The following TECPR1 variants were observed in gnomAD, a reference collection of about 807,000 sequenced individuals.
TECPR1 encodes tectonin beta-propeller repeat containing 1.
Under a neutral mutation model 162.4 loss-of-function variants are expected in TECPR1, and 122 were observed. The observed-to-expected ratio is 0.75, with a 90% confidence interval of 0.65 to 0.87. The LOEUF is 0.87. Among genes scored for constraint, TECPR1 ranks in the 40% least tolerant of loss-of-function variants. The pLI, the probability that TECPR1 is intolerant of heterozygous loss-of-function variation, is 0.00. For missense variants in TECPR1, 1,432 were observed against 1,618.2 expected (o/e 0.88, Z 1.97); for synonymous variants, 642 against 670.6 (o/e 0.96, Z 0.66).
chr7:98,236,512 T>C (rs1798603565), intron 10 of TECPR1, among the ~76,000 whole-genome samples: 1 of 151,478 alleles, frequency 6.6e-6, no homozygotes, highest in Admixed American at 6.6e-5. Flanking sequence ...CTTACCCTGC[T>C]CCCAGGTGCC....
intron 8 of TECPR1, 41 bp from the exon 9 acceptor site, chr7:98,238,651 C>A (rs1798663010): frequency 3.4e-6 from 5 of 1,489,036 alleles, no homozygotes; most frequent in Non-Finnish European, 4.6e-6. Flanking sequence ...TGGAGGGCCA[C>A]TGAAACAGAC....
intron 4 of TECPR1, 35 bp from the exon 5 acceptor site, chr7:98,244,728 G>C (rs529833002): frequency 6.3e-7 from 1 of 1,594,106 alleles, no homozygotes. Flanking sequence ...CAGGCTCTGC[G>C]GGGAAGGCAT....
At chr7:98,244,069 GA>G (rs1389273624) in intron 5 of TECPR1, among the ~76,000 whole-genome samples, 3 of 150,728 alleles carry the variant, frequency 2.0e-5, no homozygotes, top group Non-Finnish European at 3.0e-5. Context: ...TCTCTAAAAA[GA>G]AAAAAAAATA....
In TECPR1 at chr7:98,225,034, G is replaced by A. The variant is rs201404771; in HGVS notation, c.2582C>T (p.Thr861Met). ...GGCCCACTGCAGGGACGGGGGCTTC[G>A]TGCCAGCCTTCGTGCACTCCTGCAG... ...SGLQECTKAG[T>M]KPPSLQWAWV... The change falls in exon 18 of 26, where the codon ACG becomes ATG. Residue 861 changes from threonine (T) to methionine (M), a missense_variant. Coordinates refer to ENST00000447648, the MANE Select transcript of TECPR1 (RefSeq NM_015395.3). The A allele has an allele frequency of 3.9e-5, 60 of 1,557,478 alleles. 2 individuals carry two copies. In the Middle Eastern group the frequency reaches 8.5e-4, roughly 22 times the overall value.
intron 6 of TECPR1, among the ~76,000 whole-genome samples, chr7:98,242,904 T>A (rs796241184): frequency 7.5e-4 from 7 of 9,394 alleles, no homozygotes; most frequent in South Asian, 2.9e-3. Context: ...ACCCACCCAC[T>A]CACCCACCCA....
In TECPR1 at chr7:98,232,937, T is replaced by C. The variant is rs376229531; in HGVS notation, c.1708A>G (p.Ile570Val). The change falls in exon 12 of 26, where the codon ATC becomes GTC. Residue 570 changes from isoleucine (I) to valine (V), a missense_variant. Physicochemically the swap from Ile to Val is conservative, Grantham distance 29. Transcript: ENST00000447648. This position sits in a 1 kb window ranked among gnomAD's most constrained non-coding sequence, Gnocchi z 4.6. ...CAGGCAGCGGTCTGGGCCGGCGTGA[T>C]GGACAGGGACAGCATGTGTACCGAG... ...SSSVHMLSLSITPAQTAAWRK... is the reference protein window; with the variant it reads ...SSSVHMLSLSVTPAQTAAWRK... 1.4e-5 allele frequency: 22 copies of C among 1,612,524 alleles called. No homozygotes were observed. Among genetic ancestry groups the C allele is most frequent in the Non-Finnish European group, 1.7e-5 (20 of 1,179,750 alleles).
chr7:98,244,506 G>A, intron 5 of TECPR1, 65 bp downstream of exon 5: 2 of 1,533,254 alleles, frequency 1.3e-6, no homozygotes, highest in Non-Finnish European at 1.8e-6. Flanking sequence ...AGGTGGAGAG[G>A]AGGCTGCATG....
In TECPR1 at chr7:98,244,955, G is replaced by A. The variant is rs1327644953; in HGVS notation, c.338C>T (p.Ser113Leu). 5.0e-6 allele frequency: 8 copies of A among 1,612,808 alleles called. No homozygotes were observed. The highest frequency in any genetic ancestry group is 1.3e-5 in the African/African-American group (1 of 74,916). ...GTCAGACTCCCACTCCCAGTGCGGC[G>A]AGGGCAGTGCCACCCTGTCCAGCGG... Reference protein sequence around the residue: ...HRPLDRVALPSPHWEWESDWY... With the variant: ...HRPLDRVALPLPHWEWESDWY... The change falls in exon 4 of 26, where the codon TCG becomes TTG. Residue 113 changes from serine to leucine, a missense_variant. Transcript: ENST00000447648.
intron 23 of TECPR1, among the ~76,000 whole-genome samples, chr7:98,218,878 G>GA (rs755751320): frequency 1.5e-4 from 23 of 150,900 alleles, no homozygotes; most frequent in Admixed American, 4.0e-4. Flanking sequence ...TACAGAATTA[G>GA]AAAAAAAAAT....
chr7:98,221,610 A>T, intron 23 of TECPR1, 51 bp downstream of exon 23: 1 of 1,540,472 alleles, frequency 6.5e-7, no homozygotes, highest in Non-Finnish European at 8.9e-7. Context: ...TACAGGTGTG[A>T]GCCACCATGC....
In TECPR1 at chr7:98,244,587, C is replaced by T. The variant is rs749506402; in HGVS notation, c.515G>A (p.Arg172Gln). Reference protein sequence around the residue: ...KWIRYRRYKSRDIWAKIPSKD... With the variant: ...KWIRYRRYKSQDIWAKIPSKD... ...AACAGAGACCTTGGCCCAGATGTCC[C>T]GGGACTTGTATCTCCTGTACCGGAT... The change falls in exon 5 of 26, where the codon CGG becomes CAG. Residue 172 changes from arginine to glutamine, a missense_variant. Physicochemically the swap from Arg to Gln is conservative, Grantham distance 43. Coordinates refer to ENST00000447648, the MANE Select transcript of TECPR1 (RefSeq NM_015395.3). 37 of 1,609,784 alleles carry T rather than the reference C, an allele frequency of 2.3e-5. 1 individual carries two copies. The highest frequency in any genetic ancestry group is 1.1e-4 in the South Asian group (10 of 90,854).
intron 15 of TECPR1, 21 bp downstream of exon 15, chr7:98,230,940 C>T: frequency 6.2e-7 from 1 of 1,603,168 alleles, no homozygotes; most frequent in Non-Finnish European, 8.5e-7. Context: ...CCAGACCCCA[C>T]CCAGAGTGCG....
Position 98,231,867 on chromosome 7 carries a change from C to G in TECPR1, c.1911G>C (p.Thr637=), listed in dbSNP as rs1406815092. 7 of 1,612,628 alleles carry G rather than the reference C, an allele frequency of 4.3e-6. No individual in the cohort carries two copies. In the South Asian group the frequency reaches 6.6e-5, roughly 15 times the overall value. Residue 637 remains threonine, a synonymous_variant, in exon 13 of 26, where the codon ACG becomes ACC. Transcript: ENST00000447648. ...VDVRLALEQF[T]GHDGVRDSIL... ...TGCTGTCCCGGACGCCGTCGTGCCC[C>G]GTGAACTGCTCCAGGGCCAAGCGCA...
At position 98,241,275 on chromosome 7, in the gene TECPR1, C is replaced by T. The variant is rs2116611424; in HGVS notation, c.658-31G>A. On this transcript the variant is annotated intron_variant, in intron 6 of 25. Coordinates refer to ENST00000447648, the MANE Select transcript of TECPR1 (RefSeq NM_015395.3). The surrounding 1 kb of genome is among the most constrained non-coding windows in gnomAD (Gnocchi z 5.0). ...AGGCAAGACAGGGACACAGCACCTG[C>T]ATCAACTCATTCACACCAGCCAAGC... is the stretch of plus-strand genomic sequence containing the variant. 6.2e-7 allele frequency: 1 copy of T among 1,610,262 alleles called. No homozygotes were observed.
At chr7:98,219,569 T>C (rs1798094157) in intron 23 of TECPR1, among the ~76,000 whole-genome samples, 1 of 152,086 alleles carries the variant, frequency 6.6e-6, no homozygotes, top group South Asian at 2.1e-4. Flanking sequence ...AATAATCCCA[T>C]CCAAAAGTGG....
At chr7:98,227,262 C>T (rs1035726170) in intron 17 of TECPR1, among the ~76,000 whole-genome samples, 1 of 151,514 alleles carries the variant, frequency 6.6e-6, no homozygotes, top group Admixed American at 6.6e-5. Flanking sequence ...CGTGGTGGAG[C>T]GCGCCTGTAA....
intron 19 of TECPR1, among the ~76,000 whole-genome samples, chr7:98,224,264 G>A (rs770584672): frequency 5.3e-5 from 8 of 152,144 alleles, no homozygotes; most frequent in Non-Finnish European, 1.2e-4. Context: ...AGACTGTGCC[G>A]TGAAGGGCCT....
At chr7:98,217,563 C>T in intron 25 of TECPR1, 60 bp from the exon 26 acceptor site, 1 of 1,544,118 alleles carries the variant, frequency 6.5e-7, no homozygotes, top group South Asian at 1.2e-5. Context: ...TGGAGGGGAT[C>T]TGCCTGGGGG....
Position 98,222,432 on chromosome 7 carries a change from G to A in TECPR1, c.3018C>T (p.Asp1006=), listed in dbSNP as rs754979949. ...ACYQVWAVAR[D]GSAFYRGSVY... ...CGGATCCCCGGTAGAAGGCGGAGCC[G>A]TCCCTTGCCACGGCCCACACCTGGT... is the stretch of plus-strand genomic sequence containing the variant. Residue 1006 remains aspartate (D), a synonymous_variant, in exon 22 of 26, where the codon GAC becomes GAT. Transcript: ENST00000447648. 2.0e-5 allele frequency: 32 copies of A among 1,596,078 alleles called. No homozygotes were observed. The highest frequency in any genetic ancestry group is 1.7e-4 in the Middle Eastern group (1 of 5,868).
Sources: allele counts gnomAD v4.1 joint callset (sites outside exome capture counted in the v4.1 genomes callset), GRCh38; gene constraint gnomAD v4.1.1; non-coding constraint Gnocchi (gnomAD v3.1); transcripts MANE v1.5; gene names NCBI Gene and HGNC (gene_info 2026-07-23, HGNC 2026-07-21).